The following RHOBTB1 variants were observed in gnomAD, a reference collection of about 807,000 sequenced individuals.
RHOBTB1 encodes Rho related BTB domain containing 1, also known as rho-related BTB domain-containing protein 1.
In RHOBTB1, 40 loss-of-function variants were observed where a neutral mutation model predicts 71.6. The ratio of observed to expected loss-of-function variants is 0.56; its 90% CI spans 0.43 to 0.73. RHOBTB1 has a LOEUF of 0.73. Among genes scored for constraint, RHOBTB1 ranks in the 30% least tolerant of loss-of-function variants. The pLI is 0.00. For synonymous variants in RHOBTB1, 319 were observed against 334.9 expected, an observed-to-expected ratio of 0.95 and a Z score of 0.52; for missense variants, 797 against 894.0, an observed-to-expected ratio of 0.89 and a Z score of 1.38.
At chr10:60,861,427 G>A in the RHOBTB1 span, among the ~76,000 whole-genome samples, 1 of 152,298 alleles carries the variant, frequency 6.6e-6, no homozygotes, top group Non-Finnish European at 1.5e-5. Flanking sequence ...CAATGAGCCT[G>A]TTATTAGGTG....
intron 2 of RHOBTB1, among the ~76,000 whole-genome samples, chr10:60,926,347 C>T (rs1230174470): frequency 6.6e-6 from 1 of 152,110 alleles, no homozygotes; most frequent in Non-Finnish European, 1.5e-5. Context: ...TTCAAAAAAT[C>T]AAGAAGGAAG....
chr10:60,988,719 G>T (rs905758104), intron 1 of RHOBTB1, among the ~76,000 whole-genome samples: 1 of 152,150 alleles, frequency 6.6e-6, no homozygotes, highest in African/African-American at 2.4e-5. Context: ...TGGGCACCTA[G>T]GTTGATTCCA....
chr10:60,878,125 T>A, intron 7 of RHOBTB1, 67 bp from the exon 8 acceptor site: 1 of 1,296,916 alleles, frequency 7.7e-7, no homozygotes, highest in Non-Finnish European at 1.1e-6. Context: ...TTTCAGGCTA[T>A]GCTGCTTATA....
intron 8 of RHOBTB1, among the ~76,000 whole-genome samples, chr10:60,875,837 C>G (rs1460472636): frequency 6.6e-6 from 1 of 152,148 alleles, no homozygotes; most frequent in Non-Finnish European, 1.5e-5. Context: ...GAAGCTAGGC[C>G]ATCTCTTGCC....
chr10:60,982,904 T>C (rs140620742), intron 2 of RHOBTB1, among the ~76,000 whole-genome samples: 1 of 152,270 alleles, frequency 6.6e-6, no homozygotes, highest in African/African-American at 2.4e-5. Flanking sequence ...CGCTCCCTTC[T>C]TATGGTGGGC....
intron 2 of RHOBTB1, among the ~76,000 whole-genome samples, chr10:60,962,355 A>G (rs1202975525): frequency 6.6e-6 from 1 of 152,160 alleles, no homozygotes; most frequent in African/African-American, 2.4e-5. Context: ...AATATGCCCA[A>G]TGACTGATAA....
In RHOBTB1 at chr10:60,886,163, C is replaced by T. The variant is rs747743668; in HGVS notation, c.1524G>A (p.Glu508=). 6.2e-7 allele frequency: 1 copy of T among 1,614,134 alleles called. No homozygotes were observed. Residue 508 remains glutamate (E), a synonymous_variant, in exon 7 of 11, where the codon GAG becomes GAA. Transcript: ENST00000337910. Reference sequence around the variant, plus strand: ...ACCCCCCGAACATGGCTGCCATCCACTCACAGCTACAGATCAGCAGCGGCT... The same window carrying T: ...ACCCCCCGAACATGGCTGCCATCCATTCACAGCTACAGATCAGCAGCGGCT... The part of the protein sequence containing the change: ...AHKPLLICSC[E]WMAAMFGGSF...
At chr10:60,951,072 T>C (rs1175652609) in intron 2 of RHOBTB1, among the ~76,000 whole-genome samples, 1 of 152,218 alleles carries the variant, frequency 6.6e-6, no homozygotes, top group Non-Finnish European at 1.5e-5. Flanking sequence ...ATTTCCCCTA[T>C]GTTCATATCA....
chr10:60,865,924 C>T (rs370169453), downstream of RHOBTB1, among the ~76,000 whole-genome samples: 79 of 152,214 alleles, frequency 5.2e-4, no homozygotes, highest in African/African-American at 1.8e-3. Flanking sequence ...CTCTGCCTCC[C>T]GGGCCCAAGC....
intron 7 of RHOBTB1, among the ~76,000 whole-genome samples, chr10:60,883,980 T>G (rs1228482692): frequency 1.3e-5 from 2 of 152,198 alleles, no homozygotes; most frequent in African/African-American, 4.8e-5. Context: ...TGACCCAAGC[T>G]CAGGAGAGAT....
chr10:60,953,909 T>C (rs975415579), intron 2 of RHOBTB1, among the ~76,000 whole-genome samples: 2 of 152,186 alleles, frequency 1.3e-5, no homozygotes, highest in African/African-American at 4.8e-5. Context: ...TATTGGGAGA[T>C]GGTAAAATGT....
chr10:60,978,925 T>C (rs1450205950), intron 2 of RHOBTB1, among the ~76,000 whole-genome samples: 1 of 152,154 alleles, frequency 6.6e-6, no homozygotes, highest in Non-Finnish European at 1.5e-5. Flanking sequence ...ATACCTCCTC[T>C]TCTTCTATGA....
intron 5 of RHOBTB1, among the ~76,000 whole-genome samples, chr10:60,891,351 T>A (rs1308707196): frequency 7.2e-6 from 1 of 139,050 alleles, no homozygotes; most frequent in Non-Finnish European, 1.6e-5. Context: ...TTTTTTTTTT[T>A]TTTTTTTGAG....
Position 60,871,501 on chromosome 10 carries a change from G to A in RHOBTB1, c.2072C>T (p.Ser691Leu). ...TCCTCTTCAGGCCACTGCTGGAGAT[G>A]AATTCCAGAAGCACCACTTTCGTCT... Reference protein sequence around the residue: ...RSRRKWCFWNSSPAVA With the variant: ...RSRRKWCFWNLSPAVA The change falls in exon 11 of 11, where the codon TCA becomes TTA. Residue 691 changes from serine to leucine, a missense_variant. Ser to Leu is a moderately radical substitution (Grantham distance 145, BLOSUM62 -2). Coordinates refer to ENST00000337910, the MANE Select transcript of RHOBTB1 (RefSeq NM_014836.5). 1 of 1,614,024 alleles carries A rather than the reference G, an allele frequency of 6.2e-7. No homozygotes were observed. The highest frequency in any genetic ancestry group is 8.5e-7 in the Non-Finnish European group (1 of 1,179,946).
intron 5 of RHOBTB1, 74 bp downstream of exon 5, chr10:60,892,736 A>G: frequency 1.5e-6 from 2 of 1,326,352 alleles, no homozygotes; most frequent in South Asian, 2.9e-5. Context: ...GCAGAACACC[A>G]GGCTACAGAG....
intron 2 of RHOBTB1, among the ~76,000 whole-genome samples, chr10:60,966,445 G>C (rs2085960397): frequency 6.6e-6 from 1 of 151,678 alleles, no homozygotes; most frequent in South Asian, 2.1e-4. Context: ...CAAGGTGGGA[G>C]GATCACTTGA....
At chr10:61,001,581 C>T (rs2135086656), upstream of RHOBTB1, 1 of 152,256 alleles carries the variant, frequency 6.6e-6, no homozygotes, top group South Asian at 2.1e-4. Flanking sequence ...CGCCACCTCG[C>T]TCCCGGCCCG....
At position 60,878,035 on chromosome 10, in the gene RHOBTB1, C is replaced by A. The variant is rs1256607442; in HGVS notation, c.1599G>T (p.Lys533Asn). 1.2e-6 allele frequency: 2 copies of A among 1,611,936 alleles called. No homozygotes were observed. The highest frequency in any genetic ancestry group is 1.1e-5 in the South Asian group (1 of 90,374). The change falls in exon 8 of 11, where the codon AAG becomes AAT. Residue 533 changes from lysine to asparagine, a missense_variant. Lys to Asn is a moderately conservative substitution (Grantham distance 94, BLOSUM62 0). Around this residue, in one of 2 missense-constraint regions of RHOBTB1, gnomAD observed 658 missense variants for 681.5 expected, o/e 0.97. Coordinates refer to ENST00000337910, the MANE Select transcript of RHOBTB1 (RefSeq NM_014836.5). ...NSEVYLPNIN[K>N]ISMQAVLDYL... ...AATCCAATACTGCTTGCATTGATAT[C>A]TTGTTTATGTTCGGGAGATACACCT...
chr10:60,875,334 C>T lies in RHOBTB1; in HGVS notation c.1727-292G>A, dbSNP rs144391630. Among the ~76,000 whole-genome samples the T allele has an allele frequency of 6.0e-4, 92 of 152,262 alleles. 1 individual carries two copies. In the East Asian group the frequency reaches 0.014, roughly 24 times the overall value. On this transcript the variant is annotated intron_variant, in intron 8 of 10. Coordinates refer to ENST00000337910, the MANE Select transcript of RHOBTB1 (RefSeq NM_014836.5). Reference sequence around the variant, plus strand: ...TGCAGGATGATAACTCCTGGCCACACGAGACTATTTAAACTTAAATTACTT... The same window carrying T: ...TGCAGGATGATAACTCCTGGCCACATGAGACTATTTAAACTTAAATTACTT...
Sources: allele counts gnomAD v4.1 joint callset (sites outside exome capture counted in the v4.1 genomes callset), GRCh38; gene constraint gnomAD v4.1.1; regional missense constraint gnomAD v4.1.1; transcripts MANE v1.5; gene names NCBI Gene and HGNC (gene_info 2026-07-23, HGNC 2026-07-21).